The following CCDC38 variants were observed in gnomAD, a reference collection of about 807,000 sequenced individuals.
CCDC38 encodes coiled-coil domain-containing protein 38.
CCDC38 carries 69 observed loss-of-function variants against 72.8 expected under a neutral mutation model. The observed-to-expected ratio is 0.95, with a 90% CI of 0.78 to 1.16. The LOEUF (loss-of-function observed/expected upper bound fraction) is 1.16. Among genes scored for constraint, CCDC38 ranks in the 50% most tolerant of loss-of-function variants. The probability of loss-of-function intolerance (pLI) is 0.00; values close to 1 mark genes in which losing one functional copy is unlikely to be tolerated. For missense variants in CCDC38, 626 were observed against 638.9 expected, an observed-to-expected ratio of 0.98 and a Z score of 0.22; for synonymous variants, 201 against 213.2, an observed-to-expected ratio of 0.94 and a Z score of 0.50.
At chr12:95,943,139 T>G (rs749642088), upstream of CCDC38, among the ~76,000 whole-genome samples, 7 of 152,242 alleles carry the variant, frequency 4.6e-5, no homozygotes, top group Non-Finnish European at 8.8e-5. Context: ...AGTCTCCATC[T>G]CGTTTACTCG....
intron 8 of CCDC38, among the ~76,000 whole-genome samples, chr12:95,891,401 A>C (rs2079825571): frequency 6.6e-6 from 1 of 152,162 alleles, no homozygotes; most frequent in African/African-American, 2.4e-5. Context: ...GCTGGAGTTC[A>C]GTGGCACCAT....
intron 5 of CCDC38, among the ~76,000 whole-genome samples, chr12:95,905,306 G>A (rs1271137343): frequency 6.6e-6 from 1 of 152,132 alleles, no homozygotes; most frequent in African/African-American, 2.4e-5. Flanking sequence ...CAAACTGGTT[G>A]AGGGAGGGAG....
intron 4 of CCDC38, among the ~76,000 whole-genome samples, chr12:95,915,603 T>G (rs906776822): frequency 6.6e-6 from 1 of 151,690 alleles, no homozygotes; most frequent in African/African-American, 2.4e-5. Context: ...TCATGTAGGT[T>G]TGTTTTCAAT....
At position 95,872,421 on chromosome 12, in the gene CCDC38, C is replaced by T. The variant is rs201603971; in HGVS notation, c.1318G>A (p.Val440Ile). 1.9e-6 allele frequency: 3 copies of T among 1,614,048 alleles called. No homozygotes were observed. Among genetic ancestry groups the T allele is most frequent in the East Asian group, 4.5e-5 (2 of 44,874 alleles). ...GCATCTCCAATGCAGACTTTGTATA[C>T]TTGAGTAATCTTTTTACTAAGTGAG... ...IDSLSKKITQVYKVCIGDAED... is the reference protein window; with the variant it reads ...IDSLSKKITQIYKVCIGDAED... The change falls in exon 14 of 16, where the codon GTA becomes ATA. Residue 440 changes from valine to isoleucine, a missense_variant. Val to Ile is a conservative substitution (Grantham distance 29). Coordinates refer to ENST00000344280, the MANE Select transcript of CCDC38 (RefSeq NM_182496.3).
rs117454133 is a variant in CCDC38, at chr12:95,879,508, C to T, written c.1142+136G>A. 480 of 545,298 alleles carry T rather than the reference C, an allele frequency of 8.8e-4. 2 individuals carry two copies. The highest frequency in any genetic ancestry group is 1.8e-3 in the Admixed American group (59 of 32,080). 33.8% of individuals were successfully genotyped at this position (545,298 alleles called of 1,614,324 possible). Reference sequence around the variant, plus strand: ...AAATACGACGTCTACGTTTTGCACTCCACAATGTAAACTATTAAAAACCCC... The same window carrying T: ...AAATACGACGTCTACGTTTTGCACTTCACAATGTAAACTATTAAAAACCCC... On this transcript the variant is annotated intron_variant, in intron 12 of 15. Transcript: ENST00000344280. This position sits in a 1 kb window ranked among gnomAD's most constrained non-coding sequence, Gnocchi z 5.5.
chr12:95,923,243 C>T (rs2080228286), intron 2 of CCDC38, among the ~76,000 whole-genome samples: 1 of 152,150 alleles, frequency 6.6e-6, no homozygotes, highest in Admixed American at 6.5e-5. Flanking sequence ...CATGGGACTT[C>T]TCAGCCTCCA....
intron 9 of CCDC38, 148 bp downstream of exon 9, chr12:95,890,684 A>G (rs2079814774): frequency 1.9e-6 from 1 of 534,186 alleles, no homozygotes; most frequent in African/African-American, 1.9e-5. Context: ...ATAACGTGAG[A>G]GAGAGAACCA....
chr12:95,905,279 A>G lies in CCDC38; in HGVS notation c.369+1108T>C, dbSNP rs145290762. ...AGGGTAGACTGTACAAGTCTTTTTG[A>G]TAAGTGGACACTTCACCAAACTGGT... On this transcript the variant is annotated intron_variant, in intron 5 of 15. Coordinates refer to ENST00000344280, the MANE Select transcript of CCDC38 (RefSeq NM_182496.3). 3.9e-3 allele frequency among the ~76,000 whole-genome samples: 598 copies of G among 152,254 alleles called. 3 individuals carry two copies. Among genetic ancestry groups the G allele is most frequent in the African/African-American group, 0.014 (567 of 41,536 alleles).
intron 4 of CCDC38, among the ~76,000 whole-genome samples, chr12:95,910,267 T>C (rs1314358037): frequency 1.3e-5 from 2 of 151,364 alleles, no homozygotes; most frequent in Non-Finnish European, 2.9e-5. Flanking sequence ...ACATTTGAGC[T>C]GAGAGCCAAA....
chr12:95,940,870 GAAAAAAAACAAACAAACAAACAAA>G (rs2080442250), intron 1 of CCDC38, among the ~76,000 whole-genome samples: 1 of 110,246 alleles, frequency 9.1e-6, no homozygotes, highest in Admixed American at 1.0e-4. Flanking sequence ...TTTGCGAAGT[GAAAAAAAACAAACAAACAAACAAA>G]AAAAAAAACT....
At chr12:95,874,439 G>A (rs2079614733) in intron 13 of CCDC38, among the ~76,000 whole-genome samples, 1 of 152,142 alleles carries the variant, frequency 6.6e-6, no homozygotes, top group Admixed American at 6.5e-5. Flanking sequence ...TCTGAGAGGA[G>A]AGAAAATGGC....
intron 2 of CCDC38, chr12:95,919,584 C>T (rs1337320040): frequency 4.4e-6 from 2 of 455,894 alleles, no homozygotes; most frequent in Admixed American, 4.7e-5. Flanking sequence ...AGTCACAGCT[C>T]CTCTGTCTGT....
rs576889052 is a variant in CCDC38 at position 95,881,732 on chromosome 12, A to G, written c.921-178T>C. Among the ~76,000 whole-genome samples the G allele has an allele frequency of 2.2e-4, 33 of 152,364 alleles. 1 individual carries two copies. The highest frequency in any genetic ancestry group is 1.5e-5 in the Non-Finnish European group (1 of 68,032). ...AAATCAATGGATTCCATGAATATACAAAAGAAAATTGGATTCTGTCCCAGA... is the reference window on the plus strand; with the variant it reads ...AAATCAATGGATTCCATGAATATACGAAAGAAAATTGGATTCTGTCCCAGA... On this transcript the variant is annotated intron_variant, in intron 10 of 15. Transcript: ENST00000344280.
At chr12:95,878,385 G>A (rs746163206) in intron 12 of CCDC38, 39 bp from the exon 13 acceptor site, 3 of 1,595,488 alleles carry the variant, frequency 1.9e-6, no homozygotes, top group Admixed American at 3.5e-5. Flanking sequence ...TCTGAAATTT[G>A]TGGTTAGTGA....
intron 4 of CCDC38, among the ~76,000 whole-genome samples, chr12:95,913,418 C>T (rs1475978332): frequency 6.6e-6 from 1 of 152,190 alleles, no homozygotes; most frequent in Non-Finnish European, 1.5e-5. Flanking sequence ...TATGTTGCCT[C>T]CAGGAAGAAG....
chr12:95,903,377 A>ATTTTT, intron 5 of CCDC38: 2 of 681,236 alleles, frequency 2.9e-6, no homozygotes, highest in African/African-American at 1.8e-5. Flanking sequence ...AATGTCTTTC[A>ATTTTT]TTTTTTTTTC....
chr12:95,878,088 TTC>T, intron 13 of CCDC38, 121 bp downstream of exon 13: 1 of 1,122,818 alleles, frequency 8.9e-7, no homozygotes, highest in Non-Finnish European at 1.3e-6. Flanking sequence ...GGCTTTCCAC[TTC>T]TGTCATCAAT....
chr12:95,936,359 TCA>T, intron 2 of CCDC38, 112 bp downstream of exon 2: 2 of 941,050 alleles, frequency 2.1e-6, no homozygotes, highest in Non-Finnish European at 3.1e-6. Context: ...GTTTATAAAC[TCA>T]TTACATTTTA....
intron 7 of CCDC38, among the ~76,000 whole-genome samples, chr12:95,897,198 A>G (rs2079898796): frequency 6.6e-6 from 1 of 152,204 alleles, no homozygotes; most frequent in Non-Finnish European, 1.5e-5. Flanking sequence ...GTAAGCATCA[A>G]GTTCTCAAAA....
Sources: gnomAD v4.1 joint callset for allele counts (sites outside exome capture counted in the v4.1 genomes callset) on GRCh38, gnomAD v4.1.1 for gene constraint, Gnocchi (gnomAD v3.1) non-coding constraint, MANE v1.5 for transcripts, NCBI Gene and HGNC (gene_info 2026-07-23, HGNC 2026-07-21) for gene names.